The following PTPRT variants were observed in gnomAD, a reference collection of about 807,000 sequenced individuals.
PTPRT encodes receptor-type tyrosine-protein phosphatase T.
Under a neutral mutation model 176.8 loss-of-function variants are expected in PTPRT, and 56 were observed. The ratio of observed to expected loss-of-function variants is 0.32; its 90% CI spans 0.26 to 0.40. The LOEUF (loss-of-function observed/expected upper bound fraction) is 0.40, where lower values mean the gene tolerates loss of function less well. PTPRT is among the 10% of genes least tolerant of loss of function. PTPRT has a pLI of 1.00. For missense variants in PTPRT, 1,540 were observed against 1,908.2 expected (o/e 0.81, Z 3.60); for synonymous variants, 783 against 739.0 (o/e 1.06, Z -0.96).
intron 1 of PTPRT, among the ~76,000 whole-genome samples, chr20:43,077,295 C>T (rs1258845833): frequency 6.6e-6 from 1 of 152,102 alleles, no homozygotes; most frequent in African/African-American, 2.4e-5. Context: ...TTATTAGGTC[C>T]CCCACTTGTC....
intron 7 of PTPRT, among the ~76,000 whole-genome samples, chr20:42,572,002 A>G (rs756595978): frequency 6.6e-6 from 1 of 152,176 alleles, no homozygotes; most frequent in Non-Finnish European, 1.5e-5. Flanking sequence ...TAGACAGGGT[A>G]ATTTATTAGC....
At chr20:42,357,738 A>G (rs1326300190) in intron 9 of PTPRT, among the ~76,000 whole-genome samples, 1 of 151,994 alleles carries the variant, frequency 6.6e-6, no homozygotes, top group Non-Finnish European at 1.5e-5. Flanking sequence ...GCGAGACCCC[A>G]TCTCTACACC....
rs377702114 is a variant in PTPRT, at chr20:42,098,940, C to T, written c.3715-388G>A. Among the ~76,000 whole-genome samples the T allele has an allele frequency of 1.2e-4, 18 of 152,342 alleles. No homozygotes were observed. In the East Asian group the frequency reaches 3.1e-3, roughly 26 times the overall value. ...GCATCCCTGTGGCCACGATGCTGGG[C>T]GAGGTTTTGGGTCGGCCTGAGGCCG... On this transcript the variant is annotated intron_variant, in intron 26 of 30. Coordinates refer to ENST00000373187, the MANE Select transcript of PTPRT (RefSeq NM_007050.6).
intron 1 of PTPRT, among the ~76,000 whole-genome samples, chr20:43,006,059 C>A (rs923777888): frequency 7.2e-5 from 11 of 152,136 alleles, no homozygotes; most frequent in African/African-American, 2.2e-4. Context: ...AATCAGCATA[C>A]AATTCTATAC....
At chr20:42,531,391 A>T (rs2072381329) in intron 7 of PTPRT, among the ~76,000 whole-genome samples, 1 of 152,220 alleles carries the variant, frequency 6.6e-6, no homozygotes, top group South Asian at 2.1e-4. Context: ...GAAAGAAAGG[A>T]GGTTTCTATA....
intron 7 of PTPRT, 21 bp downstream of exon 7, chr20:42,677,845 T>TA (rs1555897742): frequency 7.5e-7 from 1 of 1,334,794 alleles, no homozygotes; most frequent in Non-Finnish European, 1.0e-6. Context: ...TAATGGAGCC[T>TA]GGGAAAAAAA....
At position 42,284,382 on chromosome 20, in the gene PTPRT, A is replaced by G. The variant is rs545143481; in HGVS notation, c.2140-1857T>C. On this transcript the variant is annotated intron_variant, in intron 12 of 30. Coordinates refer to ENST00000373187, the MANE Select transcript of PTPRT (RefSeq NM_007050.6). ...GAAACCCAAGTACAGAGTCATATTT[A>G]CCACTACAATTTCCATCTTCTTCAA... Among the ~76,000 whole-genome samples the G allele has an allele frequency of 6.5e-4, 99 of 152,156 alleles. 1 individual carries two copies. Among genetic ancestry groups the G allele is most frequent in the African/African-American group, 2.1e-3 (88 of 41,552 alleles).
rs1472750131 is a variant in PTPRT at position 42,885,808 on chromosome 20, T to C, written c.213A>G (p.Thr71=). 6 of 1,604,094 alleles carry C rather than the reference T, an allele frequency of 3.7e-6. No individual in the cohort carries two copies. Among genetic ancestry groups the C allele is most frequent in the African/African-American group, 2.7e-5 (2 of 74,566 alleles). ...CCCCAAACATGATGGATCACATACC[T>C]GTGGGCACTGCCTGGTCCAGCATTG... ...EKPMLDQAVP[T]GSFMMVNSSG... Residue 71 remains threonine (T), a splice_region_variant and synonymous_variant, in exon 2 of 31, where the codon ACA becomes ACG. Coordinates refer to ENST00000373187, the MANE Select transcript of PTPRT (RefSeq NM_007050.6).
intron 7 of PTPRT, among the ~76,000 whole-genome samples, chr20:42,608,193 C>G (rs1429733751): frequency 1.3e-5 from 2 of 152,168 alleles, no homozygotes; most frequent in Middle Eastern, 3.2e-3. Context: ...AATAAGTACT[C>G]AATAGCCACA....
intron 9 of PTPRT, among the ~76,000 whole-genome samples, chr20:42,402,686 C>G (rs966269959): frequency 6.6e-6 from 1 of 151,698 alleles, no homozygotes. Flanking sequence ...AAAGAAAAAG[C>G]GATAATAATG....
chr20:43,032,403 G>A (rs1199935674), intron 1 of PTPRT, among the ~76,000 whole-genome samples: 2 of 150,484 alleles, frequency 1.3e-5, no homozygotes, highest in East Asian at 3.9e-4. Context: ...GGTCCTGGGG[G>A]AGCAAAAGAG....
intron 7 of PTPRT, among the ~76,000 whole-genome samples, chr20:42,484,570 T>C (rs1381452626): frequency 1.3e-5 from 2 of 152,214 alleles, no homozygotes; most frequent in Non-Finnish European, 2.9e-5. Flanking sequence ...CCCAATCTCA[T>C]GTTGAAACTC....
intron 1 of PTPRT, among the ~76,000 whole-genome samples, chr20:43,164,543 C>T (rs564168170): frequency 3.3e-5 from 5 of 152,192 alleles, no homozygotes; most frequent in African/African-American, 1.2e-4. Context: ...CAACTAGAGC[C>T]AAGGTCTTGA....
At chr20:42,332,591 G>T (rs2057981805) in intron 11 of PTPRT, among the ~76,000 whole-genome samples, 1 of 152,078 alleles carries the variant, frequency 6.6e-6, no homozygotes, top group Admixed American at 6.5e-5. Context: ...GTTAATTCTT[G>T]AAAGAATGAC....
In PTPRT at chr20:42,118,506, A is replaced by G. The variant is rs539707722; in HGVS notation, c.2885-6T>C. The stretch of plus-strand genomic sequence containing the variant: ...TACAGTCTCCTGCATCGGACCTGCC[A>G]ACAGAGAAGACAGTGAGGTTAGAGA... On this transcript the variant is annotated splice_region_variant and splice_polypyrimidine_tract_variant and intron_variant, in intron 20 of 30. Transcript: ENST00000373187. 2.0e-5 allele frequency: 32 copies of G among 1,602,372 alleles called. No homozygotes were observed. The East Asian group carries it at 2.5e-4, about 12-fold the overall frequency.
rs191804705 is a variant in PTPRT at position 43,037,496 on chromosome 20, G to A, written c.89-151564C>T. Among the ~76,000 whole-genome samples, 46 of 152,294 alleles carry A rather than the reference G, an allele frequency of 3.0e-4. No individual in the cohort carries two copies. In the East Asian group the frequency reaches 5.8e-3, roughly 19 times the overall value. ...AGCCAAAGCAAGAGAGAGGGATCTC[G>A]TGCACTTTAAGCCACCAGTAAAACC... On this transcript the variant is annotated intron_variant, in intron 1 of 30. Transcript: ENST00000373187.
At chr20:43,127,049 G>A (rs145354949) in intron 1 of PTPRT, among the ~76,000 whole-genome samples, 2 of 152,132 alleles carry the variant, frequency 1.3e-5, no homozygotes, top group African/African-American at 4.8e-5. Flanking sequence ...AATATTTGTG[G>A]GGTAGATTTA....
intron 8 of PTPRT, among the ~76,000 whole-genome samples, chr20:42,454,423 T>A (rs2070885981): frequency 6.6e-6 from 1 of 152,198 alleles, no homozygotes; most frequent in South Asian, 2.1e-4. Context: ...AATGCCAAAT[T>A]GTTTTCCAAA....
chr20:42,166,336 T>A (rs926873790), intron 16 of PTPRT, among the ~76,000 whole-genome samples: 2 of 152,244 alleles, frequency 1.3e-5, no homozygotes, highest in African/African-American at 4.8e-5. Context: ...TGGTAGTCAC[T>A]GGCCATCTGT....
Sources: gnomAD v4.1 joint callset for allele counts (sites outside exome capture counted in the v4.1 genomes callset) on GRCh38, gnomAD v4.1.1 for gene constraint, MANE v1.5 for transcripts, NCBI Gene and HGNC (gene_info 2026-07-23, HGNC 2026-07-21) for gene names.